TRDN: variants seen among roughly 807,000 people sequenced by gnomAD.
TRDN encodes triadin in skeletal muscle.
In TRDN, 161 loss-of-function variants were observed where a neutral mutation model predicts 149.7. The observed-to-expected ratio is 1.08, with a 90% confidence interval of 0.95 to 1.23. The LOEUF is 1.23. TRDN is among the 50% of genes most tolerant of loss of function. TRDN has a pLI of 0.00. For synonymous variants in TRDN, 294 were observed against 250.5 expected (o/e 1.17, Z -1.64); for missense variants, 896 against 823.5 (o/e 1.09, Z -1.08).
At position 123,270,995 on chromosome 6, in the gene TRDN, G is replaced by A. The variant is rs1777187156; in HGVS notation, c.1720+144C>T. 1.9e-5 allele frequency: 8 copies of A among 411,554 alleles called. No homozygotes were observed. The East Asian group carries it at 2.9e-4, about 15-fold the overall frequency. 25.5% of individuals were successfully genotyped at this position (411,554 alleles called of 1,614,324 possible). ...TTAGTTATTCACAAGAATTCAGAAT[G>A]TTAGAAGTTATGGTACTGAAAGCCT... On this transcript the variant is annotated intron_variant, in intron 30 of 40. Transcript: ENST00000334268.
At chr6:123,391,696 T>C (rs1363212866) in intron 13 of TRDN, among the ~76,000 whole-genome samples, 6 of 152,020 alleles carry the variant, frequency 3.9e-5, no homozygotes, top group Non-Finnish European at 8.8e-5. Context: ...CATATATACA[T>C]ACATATGTAT....
intron 5 of TRDN, among the ~76,000 whole-genome samples, chr6:123,525,377 A>C (rs1016887622): frequency 6.6e-6 from 1 of 152,120 alleles, no homozygotes; most frequent in Non-Finnish European, 1.5e-5. Flanking sequence ...TCAGTCATAA[A>C]AAAGAATGGA....
chr6:123,472,734 TGAGAACGGGCA>T (rs555341721), intron 9 of TRDN, among the ~76,000 whole-genome samples: 1 of 152,180 alleles, frequency 6.6e-6, no homozygotes, highest in African/African-American at 2.4e-5. Context: ...GCTGGAGATC[TGAGAACGGGCA>T]GAGAACGGGC....
intron 16 of TRDN, 107 bp from the exon 17 acceptor site, chr6:123,378,005 A>G: frequency 1.4e-6 from 1 of 708,558 alleles, no homozygotes. Context: ...CTGATGCCAG[A>G]TTGCAGCAAC....
Position 123,218,551 on chromosome 6 carries a change from C to A in TRDN, c.*50G>T. The A allele has an allele frequency of 1.9e-6, 3 of 1,566,074 alleles. No individual in the cohort carries two copies. The highest frequency in any genetic ancestry group is 1.7e-6 in the Non-Finnish European group (2 of 1,157,290). On this transcript the variant is annotated 3_prime_UTR_variant, in exon 41 of 41. Transcript: ENST00000334268. ...ATTGCCTGAACTACTGTGGACAAAA[C>A]ATCACATTTTTAAAATCTTAAAGCA...
At chr6:123,506,112 T>C (rs1407895547) in intron 7 of TRDN, among the ~76,000 whole-genome samples, 1 of 152,170 alleles carries the variant, frequency 6.6e-6, no homozygotes, top group Admixed American at 6.5e-5. Context: ...TTAGTGTCTG[T>C]CTGGAAAGAA....
chr6:123,534,665 C>T (rs536088633), intron 4 of TRDN, among the ~76,000 whole-genome samples: 21 of 152,140 alleles, frequency 1.4e-4, no homozygotes, highest in East Asian at 5.8e-4. Context: ...TTAAAAGATT[C>T]GAGTCATTAA....
At chr6:123,559,964 C>T (rs974765103) in intron 2 of TRDN, among the ~76,000 whole-genome samples, 22 of 152,276 alleles carry the variant, frequency 1.4e-4, no homozygotes, top group African/African-American at 3.4e-4. Context: ...TCAGGCTCAG[C>T]GAATTACCTG....
chr6:123,616,337 G>A (rs890241183), intron 1 of TRDN, among the ~76,000 whole-genome samples: 1 of 149,860 alleles, frequency 6.7e-6, no homozygotes, highest in East Asian at 2.0e-4. Flanking sequence ...TCTCAAAAAC[G>A]AAAATTATAT....
chr6:123,269,383 C>A (rs181576167), intron 31 of TRDN, among the ~76,000 whole-genome samples: 1 of 152,004 alleles, frequency 6.6e-6, no homozygotes, highest in Admixed American at 6.6e-5. Flanking sequence ...CAGCTTAAAG[C>A]AAACAAATTA....
At chr6:123,502,211 G>T (rs1250900590) in intron 8 of TRDN, 4 of 983,190 alleles carry the variant, frequency 4.1e-6, no homozygotes, top group African/African-American at 1.8e-5. Context: ...GATTATTTCT[G>T]CTGTTTTTTT....
At chr6:123,331,577 G>A (rs1283144271) in intron 23 of TRDN, among the ~76,000 whole-genome samples, 2 of 151,710 alleles carry the variant, frequency 1.3e-5, no homozygotes, top group Non-Finnish European at 2.9e-5. Context: ...CCTAAGATTC[G>A]CTCTTTGGAT....
At chr6:123,268,086 T>C (rs984905312) in intron 31 of TRDN, among the ~76,000 whole-genome samples, 14 of 152,078 alleles carry the variant, frequency 9.2e-5, no homozygotes, top group African/African-American at 3.4e-4. Context: ...GAATCATTCT[T>C]TGGGGACATT....
chr6:123,633,521 T>C (rs1321872), intron 1 of TRDN, among the ~76,000 whole-genome samples: 40,910 of 151,974 alleles, frequency 0.27, 5,704 homozygotes, highest in East Asian at 0.43. Context: ...TTTATTCTCA[T>C]TTGGTGGCCC....
At chr6:123,437,369 A>T (rs10223841) in intron 12 of TRDN, 27,144 of 263,484 alleles carry the variant, frequency 0.1, 2,280 homozygotes, top group African/African-American at 0.31. Context: ...TCTCTACTTT[A>T]TTGAGATACA....
At position 123,516,220 on chromosome 6, in the gene TRDN, GATAA is replaced by G; in HGVS notation, c.485-18_485-15del. 1 of 1,466,368 alleles carries G rather than the reference GATAA, an allele frequency of 6.8e-7. No individual in the cohort carries two copies. The highest frequency in any genetic ancestry group is 9.1e-7 in the Non-Finnish European group (1 of 1,099,732). The allele number at this position is 1,466,368 out of a possible 1,614,324, so 90.8% of individuals were successfully genotyped here. A position where few individuals can be genotyped will look rare whatever the true frequency, so the allele number is the denominator to read the frequency against. Reference sequence around the variant, plus strand: ...CTTTGTGTGTAACTGAAAAGAAACAGATAAATAGTTTTCATTTAAATAACAGGAA... The same window carrying G: ...CTTTGTGTGTAACTGAAAAGAAACAGATAGTTTTCATTTAAATAACAGGAA... On this transcript the variant is annotated splice_polypyrimidine_tract_variant and intron_variant, in intron 5 of 40. Coordinates refer to ENST00000334268, the MANE Select transcript of TRDN (RefSeq NM_006073.4).
intron 2 of TRDN, among the ~76,000 whole-genome samples, chr6:123,551,539 A>T (rs1265592989): frequency 3.9e-5 from 6 of 152,052 alleles, no homozygotes; most frequent in Admixed American, 1.3e-4. Context: ...GTATTTTCTT[A>T]GCTTTCATGT....
intron 8 of TRDN, among the ~76,000 whole-genome samples, chr6:123,499,128 A>G (rs1176402843): frequency 6.6e-6 from 1 of 152,188 alleles, no homozygotes; most frequent in Non-Finnish European, 1.5e-5. Flanking sequence ...TAGAGGCACT[A>G]TAGACTCCCA....
At chr6:123,558,417 TC>T (rs780827271) in intron 2 of TRDN, among the ~76,000 whole-genome samples, 1 of 152,096 alleles carries the variant, frequency 6.6e-6, no homozygotes, top group South Asian at 2.1e-4. Flanking sequence ...TGACTAGCCC[TC>T]CCCCACCTGC....
Sources: gnomAD v4.1 joint callset for allele counts (sites outside exome capture counted in the v4.1 genomes callset) on GRCh38, gnomAD v4.1.1 for gene constraint, MANE v1.5 for transcripts, NCBI Gene and HGNC (gene_info 2026-07-23, HGNC 2026-07-21) for gene names.